The following USP36 variants were observed in gnomAD, a reference collection of about 807,000 sequenced individuals.
USP36 encodes the protein ubiquitin specific peptidase 36, also known as ubiquitin carboxyl-terminal hydrolase 36.
A neutral mutation model predicts 111.5 loss-of-function variants in USP36; 59 were observed. The ratio of observed to expected loss-of-function variants is 0.53; its 90% CI spans 0.43 to 0.66. USP36 has a LOEUF of 0.66. Among genes scored for constraint, USP36 ranks in the 30% least tolerant of loss-of-function variants. USP36 has a pLI of 0.00. For synonymous variants in USP36, 628 were observed against 581.0 expected (o/e 1.08, Z -1.16); for missense variants, 1,488 against 1,468.0 (o/e 1.01, Z -0.22).
At chr17:78,823,170 A>G (rs958558252) in intron 6 of USP36, 1 of 398,636 alleles carries the variant, frequency 2.5e-6, no homozygotes, top group Non-Finnish European at 4.4e-6. Flanking sequence ...ATACAGGATC[A>G]TTCAATTTTT....
chr17:78,816,158 A>AT (rs200263600), intron 10 of USP36, among the ~76,000 whole-genome samples: 348 of 143,298 alleles, frequency 2.4e-3, no homozygotes, highest in East Asian at 4.7e-3. Context: ...CATACGCATA[A>AT]TTTTTTTTTT....
rs1355749406 is a variant in USP36, at chr17:78,803,634, T to A, written c.2561A>T (p.Asp854Val). 6.2e-7 allele frequency: 1 copy of A among 1,611,038 alleles called. No individual in the cohort carries two copies. The highest frequency in any genetic ancestry group is 2.2e-5 in the East Asian group (1 of 44,846). Residue 854 changes from aspartate (D) to valine (V), a missense_variant, in exon 16 of 21, where the codon GAC becomes GTC. Physicochemically the swap from Asp to Val is radical, Grantham distance 152 (BLOSUM62 -3). Around this residue, in one of 3 missense-constraint regions of USP36, gnomAD observed 1,073 missense variants for 994.1 expected, o/e 1.08. Coordinates refer to ENST00000449938, the MANE Select transcript of USP36 (RefSeq NM_001385174.1). The surrounding 1 kb of genome is among the most constrained non-coding windows in gnomAD (Gnocchi z 4.6). ...RKRKKKKRPE[D>V]TAASALQEGQ... ...CTCCTGCAGGGCGCTGGCAGCTGTGTCCTCCGGGCGCTTCTTCTTCTTCCT... is the reference window on the plus strand; with the variant it reads ...CTCCTGCAGGGCGCTGGCAGCTGTGACCTCCGGGCGCTTCTTCTTCTTCCT...
At chr17:78,816,315 A>G (rs1599037011) in intron 10 of USP36, among the ~76,000 whole-genome samples, 1 of 151,954 alleles carries the variant, frequency 6.6e-6, no homozygotes, top group South Asian at 2.1e-4. Flanking sequence ...ACGCGCCACC[A>G]TGACTGGCCA....
chr17:78,812,577 C>T lies in USP36; in HGVS notation c.1407+283G>A, dbSNP rs573342543. 2.0e-5 allele frequency among the ~76,000 whole-genome samples: 3 copies of T among 151,304 alleles called. No homozygotes were observed. In the South Asian group the frequency reaches 6.3e-4, roughly 32 times the overall value. On this transcript the variant is annotated intron_variant, in intron 13 of 20. Coordinates refer to ENST00000449938, the MANE Select transcript of USP36 (RefSeq NM_001385174.1). ...GTGGTTCGGGCACCTATAATCCCAG[C>T]TACTAGGGAGGCTGAGGCAGGAGAA...
At chr17:78,832,166 G>A (rs543892013) in intron 4 of USP36, among the ~76,000 whole-genome samples, 11 of 152,304 alleles carry the variant, frequency 7.2e-5, no homozygotes, top group Admixed American at 1.3e-4. Context: ...ACTGAACTGC[G>A]TTCCTCCTAG....
At chr17:78,837,545 A>C (rs892020141) in intron 2 of USP36, among the ~76,000 whole-genome samples, 2 of 152,106 alleles carry the variant, frequency 1.3e-5, no homozygotes, top group Admixed American at 1.3e-4. Context: ...CAGAGGATCG[A>C]TACTGTTGGT....
At chr17:78,840,417 G>C (rs549071158) in intron 1 of USP36, 9 of 152,428 alleles carry the variant, frequency 5.9e-5, no homozygotes, top group African/African-American at 2.2e-4. Context: ...AAGTTGACCT[G>C]AATCCTGCAC....
At chr17:78,830,495 G>A (rs1364908658) in intron 4 of USP36, among the ~76,000 whole-genome samples, 1 of 152,160 alleles carries the variant, frequency 6.6e-6, no homozygotes, top group Non-Finnish European at 1.5e-5. Flanking sequence ...GAGCACATGG[G>A]TCAGTTTCTC....
Position 78,800,841 on chromosome 17 carries a change from C to A in USP36, c.3023-1073G>T, listed in dbSNP as rs75908905. On this transcript the variant is annotated intron_variant, in intron 17 of 20. Coordinates refer to ENST00000449938, the MANE Select transcript of USP36 (RefSeq NM_001385174.1). The stretch of plus-strand genomic sequence containing the variant: ...GGCCCAGGGCGCACTTCAGTAGACA[C>A]AACCAGCACCTGGCATGGACCCTGG... Among the ~76,000 whole-genome samples the A allele has an allele frequency of 5.7e-3, 872 of 152,354 alleles. 40 individuals carry two copies. The East Asian group carries it at 0.11, about 20-fold the overall frequency.
intron 4 of USP36, among the ~76,000 whole-genome samples, chr17:78,831,225 C>CAAAAAAAAA (rs33980218): frequency 1.5e-4 from 2 of 13,530 alleles, no homozygotes; most frequent in African/African-American, 6.8e-4. Flanking sequence ...AACTCCATCT[C>CAAAAAAAAA]AAAAAAAAAA....
At chr17:78,828,763 G>T in intron 5 of USP36, 134 bp downstream of exon 5, 1 of 814,136 alleles carries the variant, frequency 1.2e-6, no homozygotes. Flanking sequence ...CCAACACTTT[G>T]GCAGGCCAAA....
Position 78,827,305 on chromosome 17 carries a change from T to C in USP36, c.629A>G (p.His210Arg). Residue 210 changes from histidine (H) to arginine (R), a missense_variant, in exon 6 of 21, where the codon CAT becomes CGT. Around this residue, in one of 3 missense-constraint regions of USP36, gnomAD observed 196 missense variants for 264.4 expected, o/e 0.74. Transcript: ENST00000449938. ...GTCGATGGTGTACCGCAGGAACTCA[T>C]GCGCGTCCTCCTGGTTCCCAAAGCG... ...HFRFGNQEDA[H>R]EFLRYTIDAM... The C allele has an allele frequency of 6.2e-7, 1 of 1,613,828 alleles. No individual in the cohort carries two copies. Among genetic ancestry groups the C allele is most frequent in the Non-Finnish European group, 8.5e-7 (1 of 1,179,772 alleles).
Position 78,819,551 on chromosome 17 carries a change from G to A in USP36, c.911+379C>T, listed in dbSNP as rs571255455. Among the ~76,000 whole-genome samples the A allele has an allele frequency of 7.9e-5, 12 of 152,354 alleles. No individual in the cohort carries two copies. The East Asian group carries it at 2.3e-3, about 29-fold the overall frequency. On this transcript the variant is annotated intron_variant, in intron 9 of 20. Coordinates refer to ENST00000449938, the MANE Select transcript of USP36 (RefSeq NM_001385174.1). ...GCTGGTTGGGCACAGTCCCTGGGGCGGCCGCCCGGTGCCAGCCAGTGTGAA... is the reference window on the plus strand; with the variant it reads ...GCTGGTTGGGCACAGTCCCTGGGGCAGCCGCCCGGTGCCAGCCAGTGTGAA...
intron 3 of USP36, 189 bp downstream of exon 3, chr17:78,835,905 TACACAGATCCACCAAGC>T (rs2068620432): frequency 2.7e-6 from 2 of 733,818 alleles, no homozygotes; most frequent in Admixed American, 2.9e-5. Flanking sequence ...ACCCACCAAG[TACACAGATCCACCAAGC>T]ACACAGATTT....
intron 7 of USP36, 105 bp downstream of exon 7, chr17:78,821,832 C>A (rs1446602722): frequency 2.3e-6 from 3 of 1,319,316 alleles, no homozygotes; most frequent in Non-Finnish European, 3.2e-6. Flanking sequence ...TGACCCAGGT[C>A]TGCACAGCGA....
intron 4 of USP36, among the ~76,000 whole-genome samples, chr17:78,831,914 G>A (rs1238062398): frequency 2.2e-5 from 3 of 135,632 alleles, no homozygotes; most frequent in Non-Finnish European, 4.6e-5. Flanking sequence ...CTGGACTCCA[G>A]CCTGCGTGAC....
intron 1 of USP36, among the ~76,000 whole-genome samples, chr17:78,840,095 G>T (rs2069114315): frequency 6.6e-6 from 1 of 152,160 alleles, no homozygotes. Flanking sequence ...CGCCTGCCCC[G>T]AGCCCGGCCG....
chr17:78,815,744 T>C (rs1379399341), intron 10 of USP36, among the ~76,000 whole-genome samples: 2 of 152,210 alleles, frequency 1.3e-5, no homozygotes, highest in African/African-American at 2.4e-5. Flanking sequence ...ATAACATGCA[T>C]ACATATATGC....
Position 78,812,861 on chromosome 17 carries a change from T to C in USP36, c.1406A>G (p.Lys469Arg), listed in dbSNP as rs1365323946. The C allele has an allele frequency of 3.1e-6, 5 of 1,613,136 alleles. No individual in the cohort carries two copies. In the Admixed American group the frequency reaches 6.7e-5, roughly 22 times the overall value. ...GGCCTCCATCATTCTCACAAATACCTTTCCAGTCAGTGGGGAGGAAATAAT... is the reference window on the plus strand; with the variant it reads ...GGCCTCCATCATTCTCACAAATACCCTTCCAGTCAGTGGGGAGGAAATAAT... ...NGIISSPLTG[K>R]RQDSGTMKKP... Residue 469 changes from lysine to arginine, a missense_variant and splice_region_variant, in exon 13 of 21, where the codon AAG becomes AGG. By Grantham distance (26) the Lys-to-Arg change is conservative (BLOSUM62 2). Transcript: ENST00000449938.
Sources: gnomAD v4.1 joint callset for allele counts (sites outside exome capture counted in the v4.1 genomes callset) on GRCh38, gnomAD v4.1.1 for gene constraint, gnomAD v4.1.1 regional missense constraint, Gnocchi (gnomAD v3.1) non-coding constraint, MANE v1.5 for transcripts, NCBI Gene and HGNC (gene_info 2026-07-23, HGNC 2026-07-21) for gene names.